Variants in MIPOL1 observed in about 807,000 individuals in gnomAD.
MIPOL1 encodes the protein mirror-image polydactyly 1.
A neutral mutation model predicts 60.9 loss-of-function variants in MIPOL1; 57 were observed. That is an observed-to-expected ratio of 0.94 (90% confidence interval 0.76 to 1.17). MIPOL1 has a LOEUF of 1.17. Among genes scored for constraint, MIPOL1 ranks in the 50% most tolerant of loss-of-function variants. The pLI is 0.00. For synonymous variants in MIPOL1, 179 were observed against 168.8 expected (o/e 1.06, Z -0.47); for missense variants, 551 against 511.6 (o/e 1.08, Z -0.74).
chr14:37,320,115 A>G (rs2088405160), intron 9 of MIPOL1, among the ~76,000 whole-genome samples: 1 of 152,198 alleles, frequency 6.6e-6, no homozygotes, highest in Non-Finnish European at 1.5e-5. Flanking sequence ...GAAGTATTAT[A>G]GAGATTCTTG....
chr14:37,372,475 C>A (rs1207970509), intron 10 of MIPOL1, among the ~76,000 whole-genome samples: 2 of 151,834 alleles, frequency 1.3e-5, no homozygotes, highest in African/African-American at 4.8e-5. Context: ...TTTTGCAGGC[C>A]AGGCGTGGTG....
intron 12 of MIPOL1, among the ~76,000 whole-genome samples, chr14:37,523,034 T>C (rs2095424381): frequency 6.6e-6 from 1 of 152,132 alleles, no homozygotes; most frequent in African/African-American, 2.4e-5. Flanking sequence ...ATCATTTAAG[T>C]AACAATTTAA....
intron 1 of MIPOL1, among the ~76,000 whole-genome samples, chr14:37,235,088 G>A (rs568451067): frequency 5.3e-5 from 8 of 151,956 alleles, no homozygotes; most frequent in Non-Finnish European, 7.4e-5. Context: ...ATTGTGCCCA[G>A]CCAGCTGAAT....
chr14:37,264,842 C>T (rs1272844162), intron 3 of MIPOL1, among the ~76,000 whole-genome samples: 1 of 152,154 alleles, frequency 6.6e-6, no homozygotes, highest in Non-Finnish European at 1.5e-5. Flanking sequence ...CTTCTGCAGT[C>T]ATTGAAATCT....
chr14:37,232,932 A>G (rs867345369), intron 1 of MIPOL1, among the ~76,000 whole-genome samples: 6 of 152,238 alleles, frequency 3.9e-5, no homozygotes, highest in Non-Finnish European at 7.3e-5. Context: ...TAAACTATTC[A>G]GTAGTCATCC....
intron 3 of MIPOL1, among the ~76,000 whole-genome samples, chr14:37,255,480 A>T (rs1485381838): frequency 6.6e-6 from 1 of 151,826 alleles, no homozygotes; most frequent in Non-Finnish European, 1.5e-5. Context: ...TACTCTTTGG[A>T]TGTAAATAAA....
At chr14:37,284,030 T>C (rs1050307577) in intron 6 of MIPOL1, among the ~76,000 whole-genome samples, 2 of 151,896 alleles carry the variant, frequency 1.3e-5, no homozygotes, top group Non-Finnish European at 2.9e-5. Context: ...ATTGCAGTAA[T>C]GTTTTAAAAA....
intron 12 of MIPOL1, among the ~76,000 whole-genome samples, chr14:37,518,859 G>A (rs929343709): frequency 2.0e-5 from 3 of 152,052 alleles, no homozygotes; most frequent in Non-Finnish European, 4.4e-5. Flanking sequence ...ATATAGAAAG[G>A]ACACATAAAC....
At chr14:37,442,287 AT>A (rs1050349133) in intron 11 of MIPOL1, among the ~76,000 whole-genome samples, 2 of 152,040 alleles carry the variant, frequency 1.3e-5, no homozygotes, top group Non-Finnish European at 1.5e-5. Context: ...TCTTTAGGGT[AT>A]TTTAGGTATA....
intron 11 of MIPOL1, among the ~76,000 whole-genome samples, chr14:37,445,173 A>G (rs2094313405): frequency 6.6e-6 from 1 of 152,088 alleles, no homozygotes; most frequent in Admixed American, 6.6e-5. Flanking sequence ...ATATCTAGAA[A>G]ACCCCATTGT....
intron 12 of MIPOL1, among the ~76,000 whole-genome samples, chr14:37,536,063 C>T (rs944689457): frequency 2.0e-5 from 3 of 152,090 alleles, no homozygotes; most frequent in Admixed American, 6.6e-5. Context: ...CACCACCATA[C>T]CTGGCTGATA....
At chr14:37,475,401 T>C (rs2094755702) in intron 11 of MIPOL1, among the ~76,000 whole-genome samples, 1 of 152,210 alleles carries the variant, frequency 6.6e-6, no homozygotes, top group African/African-American at 2.4e-5. Flanking sequence ...GTGCCTTTTG[T>C]AGCACAGAAA....
chr14:37,530,784 T>C (rs992397523), intron 12 of MIPOL1, among the ~76,000 whole-genome samples: 18 of 151,320 alleles, frequency 1.2e-4, no homozygotes, highest in African/African-American at 4.1e-4. Context: ...TATTTTAAAG[T>C]CCAGATATAA....
rs147280835 is a variant in MIPOL1, at chr14:37,488,790, T to C, written c.1032-11118T>C. 5.7e-3 allele frequency among the ~76,000 whole-genome samples: 861 copies of C among 152,306 alleles called. 12 individuals carry two copies. The highest frequency in any genetic ancestry group is 0.019 in the African/African-American group (809 of 41,564). On this transcript the variant is annotated intron_variant, in intron 11 of 12. Transcript: ENST00000684589. Reference sequence around the variant, plus strand: ...CCCCACTCTCTTCTGGCTTGTAGGTTTTCTCCCGAGAGATCTGCTGTTAGT... The same window carrying C: ...CCCCACTCTCTTCTGGCTTGTAGGTCTTCTCCCGAGAGATCTGCTGTTAGT...
At chr14:37,544,372 TTTAC>T (rs1327402665) in intron 12 of MIPOL1, among the ~76,000 whole-genome samples, 5 of 152,188 alleles carry the variant, frequency 3.3e-5, no homozygotes, top group Non-Finnish European at 7.3e-5. Flanking sequence ...TGTATAAGGG[TTTAC>T]TTGTCTGTTC....
chr14:37,266,272 T>C (rs1336186806), intron 3 of MIPOL1, among the ~76,000 whole-genome samples: 1 of 152,160 alleles, frequency 6.6e-6, no homozygotes, highest in Non-Finnish European at 1.5e-5. Context: ...TAAACAACCA[T>C]TTACATTTGA....
intron 10 of MIPOL1, among the ~76,000 whole-genome samples, chr14:37,417,789 ACT>A (rs2093798269): frequency 2.0e-5 from 3 of 152,082 alleles, no homozygotes; most frequent in Admixed American, 1.3e-4. Flanking sequence ...TCTGGAAATA[ACT>A]CTATTAAAAT....
chr14:37,266,100 G>T (rs2082855536), intron 3 of MIPOL1, among the ~76,000 whole-genome samples: 2 of 152,140 alleles, frequency 1.3e-5, no homozygotes, highest in Admixed American at 1.3e-4. Flanking sequence ...TCAACACAGA[G>T]TCTTCTTATT....
At chr14:37,512,452 C>CAG (rs1187688309) in intron 12 of MIPOL1, among the ~76,000 whole-genome samples, 1 of 149,132 alleles carries the variant, frequency 6.7e-6, no homozygotes, top group Non-Finnish European at 1.5e-5. Context: ...GGAAGAGGAA[C>CAG]AGAGCATTTC....
Sources: gnomAD v4.1 joint callset for allele counts (sites outside exome capture counted in the v4.1 genomes callset) on GRCh38, gnomAD v4.1.1 for gene constraint, MANE v1.5 for transcripts, NCBI Gene and HGNC (gene_info 2026-07-23, HGNC 2026-07-21) for gene names.